PBX3: variants seen among roughly 807,000 people sequenced by gnomAD.
The protein encoded by PBX3 is pre-B-cell leukemia transcription factor 3.
Under a neutral mutation model 48.5 loss-of-function variants are expected in PBX3, and 14 were observed. The observed-to-expected ratio is 0.29, with a 90% CI of 0.19 to 0.45. PBX3 has a LOEUF of 0.45. Among genes scored for constraint, PBX3 ranks in the 20% least tolerant of loss-of-function variants. PBX3 has a pLI of 1.00. For synonymous variants in PBX3, 210 were observed against 200.3 expected (o/e 1.05, Z -0.41); for missense variants, 386 against 546.7 (o/e 0.71, Z 2.93).
chr9:125,914,159 C>G (rs1170567308), intron 2 of PBX3, among the ~76,000 whole-genome samples: 1 of 152,142 alleles, frequency 6.6e-6, no homozygotes, highest in Non-Finnish European at 1.5e-5. Context: ...TTTTAATTAT[C>G]AGCAGTGTGT....
At chr9:125,874,208 T>C (rs1395335431) in intron 2 of PBX3, among the ~76,000 whole-genome samples, 1 of 151,916 alleles carries the variant, frequency 6.6e-6, no homozygotes, top group East Asian at 1.9e-4. Context: ...GTTTAAAATA[T>C]TGCCATAAAG....
At chr9:125,832,314 G>C (rs1468315842) in intron 2 of PBX3, among the ~76,000 whole-genome samples, 1 of 151,834 alleles carries the variant, frequency 6.6e-6, no homozygotes, top group Non-Finnish European at 1.5e-5. Context: ...TCCTGCCTCA[G>C]CCTCCCGAGT....
chr9:125,749,560 C>CTTTT (rs75281692), intron 2 of PBX3: 6 of 115,352 alleles, frequency 5.2e-5, no homozygotes, highest in Non-Finnish European at 1.2e-4. Flanking sequence ...TCTTTTCTTT[C>CTTTT]TTTTTTTTTT....
chr9:125,854,380 C>A (rs1195408164), intron 2 of PBX3, among the ~76,000 whole-genome samples: 2 of 152,084 alleles, frequency 1.3e-5, no homozygotes, highest in African/African-American at 4.8e-5. Context: ...AGCGATCTTC[C>A]TGCCTCTGCC....
intron 2 of PBX3, among the ~76,000 whole-genome samples, chr9:125,816,871 G>A (rs570919451): frequency 2.0e-5 from 3 of 152,120 alleles, no homozygotes; most frequent in Admixed American, 6.5e-5. Context: ...TCCTTTACCA[G>A]TTCTCTTCTT....
chr9:125,789,525 A>G (rs1335079368), intron 2 of PBX3, among the ~76,000 whole-genome samples: 3 of 152,212 alleles, frequency 2.0e-5, no homozygotes, highest in Non-Finnish European at 4.4e-5. Context: ...AGCTTACAGC[A>G]TGGCAGCTGG....
At chr9:125,768,005 T>A (rs1836846124) in intron 2 of PBX3, among the ~76,000 whole-genome samples, 1 of 151,666 alleles carries the variant, frequency 6.6e-6, no homozygotes, top group Non-Finnish European at 1.5e-5. Context: ...AAGAGGGAAA[T>A]CTGAAATTAG....
At chr9:125,765,278 A>G (rs997390188) in intron 2 of PBX3, among the ~76,000 whole-genome samples, 12 of 151,502 alleles carry the variant, frequency 7.9e-5, no homozygotes, top group South Asian at 2.1e-4. Context: ...CCTCCCGAAT[A>G]GTCAAGACTA....
intron 5 of PBX3, among the ~76,000 whole-genome samples, chr9:125,951,180 G>A (rs747020989): frequency 2.0e-5 from 3 of 152,176 alleles, no homozygotes; most frequent in Non-Finnish European, 2.9e-5. Flanking sequence ...TTAAATACAG[G>A]CACAAGTGGC....
chr9:125,932,247 G>A (rs780244136), intron 4 of PBX3, among the ~76,000 whole-genome samples: 30 of 152,122 alleles, frequency 2.0e-4, no homozygotes, highest in Admixed American at 7.2e-4. Flanking sequence ...TCATCGTTCC[G>A]GATCTGGTCT....
At chr9:125,764,231 C>T (rs1411240121) in intron 2 of PBX3, among the ~76,000 whole-genome samples, 1 of 152,200 alleles carries the variant, frequency 6.6e-6, no homozygotes, top group African/African-American at 2.4e-5. Context: ...AAGGTACTTG[C>T]ACTTGTCAGC....
intron 2 of PBX3, among the ~76,000 whole-genome samples, chr9:125,867,298 T>C (rs929692708): frequency 1.8e-4 from 27 of 152,190 alleles, no homozygotes; most frequent in African/African-American, 6.0e-4. Context: ...ATGTTTGAAT[T>C]TTTAAATGTT....
intron 2 of PBX3, among the ~76,000 whole-genome samples, chr9:125,831,221 A>G (rs1204798912): frequency 6.6e-6 from 1 of 152,210 alleles, no homozygotes. Context: ...CATCAGCCAT[A>G]ACGTTTAGTC....
chr9:125,886,147 T>C (rs543875763), intron 2 of PBX3, among the ~76,000 whole-genome samples: 22 of 152,244 alleles, frequency 1.4e-4, no homozygotes, highest in Non-Finnish European at 2.6e-4. Flanking sequence ...GATTAAAAAG[T>C]GTATAGCAGG....
chr9:125,922,809 T>A (rs1841484480), intron 3 of PBX3, among the ~76,000 whole-genome samples: 1 of 152,184 alleles, frequency 6.6e-6, no homozygotes, highest in South Asian at 2.1e-4. Flanking sequence ...GTACAGATGA[T>A]GCTGAAATGA....
intron 2 of PBX3, among the ~76,000 whole-genome samples, chr9:125,789,634 T>C (rs767376485): frequency 3.3e-5 from 5 of 152,088 alleles, no homozygotes; most frequent in Non-Finnish European, 7.4e-5. Flanking sequence ...TTCTGCCATA[T>C]TCTGTTTGGT....
chr9:125,949,145 A>G (rs1278726539), intron 5 of PBX3, among the ~76,000 whole-genome samples: 1 of 152,220 alleles, frequency 6.6e-6, no homozygotes, highest in Non-Finnish European at 1.5e-5. Context: ...AAGGCAGAGA[A>G]GTCACTCAGA....
chr9:125,811,459 A>G, intron 2 of PBX3, among the ~76,000 whole-genome samples: 1 of 152,126 alleles, frequency 6.6e-6, no homozygotes, highest in East Asian at 1.9e-4. Context: ...CATGATAGTG[A>G]ATGGGTTCTC....
At chr9:125,885,266 A>T (rs1314214045) in intron 2 of PBX3, among the ~76,000 whole-genome samples, 1 of 152,148 alleles carries the variant, frequency 6.6e-6, no homozygotes, top group East Asian at 1.9e-4. Flanking sequence ...TAGAAAGGAA[A>T]TTTAGTTTTT....
Sources: gnomAD v4.1 joint callset for allele counts (sites outside exome capture counted in the v4.1 genomes callset) on GRCh38, gnomAD v4.1.1 for gene constraint, MANE v1.5 for transcripts, NCBI Gene and HGNC (gene_info 2026-07-23, HGNC 2026-07-21) for gene names.